The following ALPK2 variants were observed in gnomAD, a reference collection of about 807,000 sequenced individuals.
ALPK2 encodes the protein alpha-protein kinase 2.
A neutral mutation model predicts 163.1 loss-of-function variants in ALPK2; 127 were observed. That is an observed-to-expected ratio of 0.78 (90% CI 0.67 to 0.90). ALPK2 has a LOEUF of 0.90. ALPK2 is among the 40% of genes least tolerant of loss of function. ALPK2 has a pLI of 0.00. For missense variants in ALPK2, 2,360 were observed against 2,589.6 expected (o/e 0.91, Z 1.92); for synonymous variants, 953 against 959.1 (o/e 0.99, Z 0.12).
chr18:58,507,058 G>C (rs545887847), intron 10 of ALPK2, among the ~76,000 whole-genome samples: 1 of 152,314 alleles, frequency 6.6e-6, no homozygotes, highest in African/African-American at 2.4e-5. Context: ...AACCACTGAT[G>C]GCGGGCCATA....
At chr18:58,491,457 T>A (rs2051374459) in intron 12 of ALPK2, among the ~76,000 whole-genome samples, 1 of 152,240 alleles carries the variant, frequency 6.6e-6, no homozygotes, top group Non-Finnish European at 1.5e-5. Flanking sequence ...TTGTAAAACC[T>A]AAGCCTGGTG....
chr18:58,625,884 A>G (rs2052227295), intron 1 of ALPK2, among the ~76,000 whole-genome samples: 1 of 152,178 alleles, frequency 6.6e-6, no homozygotes, highest in South Asian at 2.1e-4. Flanking sequence ...AGTTTTGTCT[A>G]TTTGGCCCAT....
rs144079055 is a variant in ALPK2 at position 58,538,099 on chromosome 18, C to A, written c.2088G>T (p.Gly696=). The change falls in exon 5 of 13, where the codon GGG becomes GGT. Residue 696 remains glycine, a synonymous_variant. Transcript: ENST00000361673. Reference sequence around the variant, plus strand: ...CTAATGATGCATTTTCCTTGTGGACCCCTCCTAAGTTTGAGAAGGAAATTG... The same window carrying A: ...CTAATGATGCATTTTCCTTGTGGACACCTCCTAAGTTTGAGAAGGAAATTG... ...TTTISFSNLG[G]VHKENASLAQ... The A allele has an allele frequency of 1.5e-4, 238 of 1,614,024 alleles. No homozygotes were observed. The African/African-American group carries it at 2.8e-3, about 19-fold the overall frequency.
At chr18:58,585,616 G>A (rs2051981716) in intron 3 of ALPK2, among the ~76,000 whole-genome samples, 1 of 151,168 alleles carries the variant, frequency 6.6e-6, no homozygotes, top group Non-Finnish European at 1.5e-5. Flanking sequence ...GTTACAATGT[G>A]GAATCTGAAA....
intron 12 of ALPK2, among the ~76,000 whole-genome samples, chr18:58,487,207 GA>G (rs1337467199): frequency 1.3e-5 from 2 of 151,996 alleles, no homozygotes; most frequent in Non-Finnish European, 2.9e-5. Context: ...TGGAGCAGGG[GA>G]GGCCCTCAAT....
chr18:58,487,957 C>T (rs907400888), intron 12 of ALPK2, among the ~76,000 whole-genome samples: 11 of 152,160 alleles, frequency 7.2e-5, no homozygotes, highest in Admixed American at 1.3e-4. Flanking sequence ...CGAATGACCT[C>T]GAGACCCTGT....
In ALPK2 at chr18:58,601,421, G is replaced by A. The variant is rs77579138; in HGVS notation, c.227+5901C>T. Among the ~76,000 whole-genome samples the A allele has an allele frequency of 1.8e-3, 270 of 152,294 alleles. 1 individual carries two copies. The highest frequency in any genetic ancestry group is 6.4e-3 in the African/African-American group (264 of 41,558). Reference sequence around the variant, plus strand: ...CTACAAATTCCACTCATGTGAGTACGCACACCTTGTTGCAATGTGACTTTG... The same window carrying A: ...CTACAAATTCCACTCATGTGAGTACACACACCTTGTTGCAATGTGACTTTG... On this transcript the variant is annotated intron_variant, in intron 3 of 12. Transcript: ENST00000361673.
chr18:58,619,433 C>T (rs2052186874), intron 1 of ALPK2, among the ~76,000 whole-genome samples: 1 of 152,148 alleles, frequency 6.6e-6, no homozygotes, highest in Non-Finnish European at 1.5e-5. Context: ...AACAAGAACC[C>T]TCATTCATTG....
At chr18:58,581,334 C>A (rs2051958171) in intron 3 of ALPK2, among the ~76,000 whole-genome samples, 1 of 152,180 alleles carries the variant, frequency 6.6e-6, no homozygotes, top group African/African-American at 2.4e-5. Context: ...GATAGGACTA[C>A]GTATATGAAG....
chr18:58,542,528 A>G (rs2051694927), intron 4 of ALPK2, among the ~76,000 whole-genome samples: 1 of 152,242 alleles, frequency 6.6e-6, no homozygotes, highest in Non-Finnish European at 1.5e-5. Flanking sequence ...ACCACACAGT[A>G]GGTTATATAA....
In ALPK2 at chr18:58,506,052, G is replaced by A. The variant is rs541880782; in HGVS notation, c.6030-1904C>T. 2.6e-4 allele frequency among the ~76,000 whole-genome samples: 39 copies of A among 152,124 alleles called. 1 individual carries two copies. The South Asian group carries it at 7.3e-3, about 28-fold the overall frequency. ...TAGCGACTTCCTTGCTTTAAATACC[G>A]TTCAGATGCCGATGGCTTCCACATT... On this transcript the variant is annotated intron_variant, in intron 10 of 12. Coordinates refer to ENST00000361673, the MANE Select transcript of ALPK2 (RefSeq NM_052947.4).
At chr18:58,573,386 A>ATG (rs1193576700) in intron 4 of ALPK2, among the ~76,000 whole-genome samples, 12 of 146,276 alleles carry the variant, frequency 8.2e-5, no homozygotes, top group Non-Finnish European at 1.8e-4. Context: ...GTGTGTGTAT[A>ATG]TATATATATG....
chr18:58,543,063 G>C (rs1184200809), intron 4 of ALPK2, among the ~76,000 whole-genome samples: 1 of 152,288 alleles, frequency 6.6e-6, no homozygotes, highest in South Asian at 2.1e-4. Context: ...TGGGCTGAAG[G>C]ATTGATACGT....
At chr18:58,543,791 G>C (rs2051703689) in intron 4 of ALPK2, among the ~76,000 whole-genome samples, 1 of 152,208 alleles carries the variant, frequency 6.6e-6, no homozygotes, top group Admixed American at 6.5e-5. Flanking sequence ...GGGATGAGAA[G>C]TCTCCCCAGG....
In ALPK2 at chr18:58,558,485, A is replaced by T. The variant is rs2051806432; in HGVS notation, c.1963-20261T>A. On this transcript the variant is annotated intron_variant, in intron 4 of 12. Coordinates refer to ENST00000361673, the MANE Select transcript of ALPK2 (RefSeq NM_052947.4). ...TTACCATCATACACTGCTGGTAGGA[A>T]TGTAAAATGGCATAGCTGCTTTGAA... Among the ~76,000 whole-genome samples the T allele has an allele frequency of 2.0e-5, 3 of 152,248 alleles. No homozygotes were observed. The South Asian group carries it at 6.2e-4, about 31-fold the overall frequency.
rs8098222 is a variant in ALPK2, at chr18:58,606,319, A to G, written c.227+1003T>C. ...TGTCTCAAACTCCTGGCCTCAAGCA[A>G]TCCTCCTGCCTCACCCTCCCAAAGT... On this transcript the variant is annotated intron_variant, in intron 3 of 12. Coordinates refer to ENST00000361673, the MANE Select transcript of ALPK2 (RefSeq NM_052947.4). Among the ~76,000 whole-genome samples, 384 of 152,274 alleles carry G rather than the reference A, an allele frequency of 2.5e-3. 2 individuals are homozygous for G. The highest frequency in any genetic ancestry group is 8.9e-3 in the African/African-American group (371 of 41,564).
In ALPK2 at chr18:58,511,051, A is replaced by G. The variant is rs546270576; in HGVS notation, c.6029+3942T>C. Among the ~76,000 whole-genome samples the G allele has an allele frequency of 6.6e-5, 10 of 152,250 alleles. No individual in the cohort carries two copies. In the East Asian group the frequency reaches 1.9e-3, roughly 29 times the overall value. ...CATAGATAGCTCTTATTATTTTGAG[A>G]TACGTCCCATCAATACCTAATTTAT... On this transcript the variant is annotated intron_variant, in intron 10 of 12. Coordinates refer to ENST00000361673, the MANE Select transcript of ALPK2 (RefSeq NM_052947.4).
intron 4 of ALPK2, among the ~76,000 whole-genome samples, chr18:58,559,751 CTA>C (rs1358930934): frequency 6.6e-6 from 1 of 152,188 alleles, no homozygotes; most frequent in Non-Finnish European, 1.5e-5. Flanking sequence ...GTCAGATTTT[CTA>C]AGCCAAAGAC....
intron 1 of ALPK2, among the ~76,000 whole-genome samples, chr18:58,612,589 C>T (rs1305088268): frequency 1.3e-5 from 2 of 152,274 alleles, no homozygotes; most frequent in East Asian, 3.8e-4. Flanking sequence ...GCTCAAGTGG[C>T]AGCCACCTTG....
Sources: gnomAD v4.1 joint callset for allele counts (sites outside exome capture counted in the v4.1 genomes callset) on GRCh38, gnomAD v4.1.1 for gene constraint, MANE v1.5 for transcripts, NCBI Gene and HGNC (gene_info 2026-07-23, HGNC 2026-07-21) for gene names.